TBC1D8: variants seen among roughly 807,000 people sequenced by gnomAD.
TBC1D8 encodes TBC1 domain family member 8.
Under a neutral mutation model 118.8 loss-of-function variants are expected in TBC1D8, and 65 were observed. The ratio of observed to expected loss-of-function variants is 0.55; its 90% confidence interval spans 0.45 to 0.67. TBC1D8 has a LOEUF of 0.67. TBC1D8 is among the 30% of genes least tolerant of loss of function. The pLI is 0.00. For missense variants in TBC1D8, 1,376 were observed against 1,471.2 expected (o/e 0.94, Z 1.06); for synonymous variants, 566 against 595.8 (o/e 0.95, Z 0.73).
chr2:101,102,778 C>A (rs1236740465), intron 1 of TBC1D8, among the ~76,000 whole-genome samples: 1 of 151,954 alleles, frequency 6.6e-6, no homozygotes, highest in Non-Finnish European at 1.5e-5. Context: ...CACAATGGCT[C>A]ACACCTGTAA....
intron 17 of TBC1D8, among the ~76,000 whole-genome samples, chr2:101,016,832 C>A (rs944614064): frequency 5.3e-5 from 8 of 151,904 alleles, no homozygotes; most frequent in Non-Finnish European, 1.0e-4. Flanking sequence ...GGACAAAAAA[C>A]CAAACATCAC....
At chr2:101,015,071 C>A (rs1353419291) in intron 17 of TBC1D8, among the ~76,000 whole-genome samples, 1 of 152,166 alleles carries the variant, frequency 6.6e-6, no homozygotes, top group Non-Finnish European at 1.5e-5. Flanking sequence ...CTTACACGAA[C>A]CTAGATGCTG....
chr2:101,107,989 T>A (rs1677332285), intron 1 of TBC1D8, among the ~76,000 whole-genome samples: 3 of 151,336 alleles, frequency 2.0e-5, no homozygotes, highest in Admixed American at 2.0e-4. Context: ...AGCCAAGAGT[T>A]TGAGGTTGCA....
At chr2:101,043,697 T>G (rs1257114923) in intron 5 of TBC1D8, among the ~76,000 whole-genome samples, 1 of 152,174 alleles carries the variant, frequency 6.6e-6, no homozygotes, top group Non-Finnish European at 1.5e-5. Context: ...ATCCCAGCAC[T>G]TTGGGAGGCC....
At chr2:101,056,916 A>G (rs1033558847) in intron 3 of TBC1D8, among the ~76,000 whole-genome samples, 2 of 152,194 alleles carry the variant, frequency 1.3e-5, no homozygotes, top group African/African-American at 4.8e-5. Context: ...GAAAGCCTCT[A>G]TTCCCAGATC....
intron 2 of TBC1D8, among the ~76,000 whole-genome samples, chr2:101,082,779 A>G (rs1675349891): frequency 6.6e-6 from 1 of 152,076 alleles, no homozygotes; most frequent in Non-Finnish European, 1.5e-5. Flanking sequence ...TGGGGAGAGG[A>G]GAGTGAGGAG....
chr2:101,128,910 TA>T (rs1678465362), intron 1 of TBC1D8, among the ~76,000 whole-genome samples: 1 of 151,098 alleles, frequency 6.6e-6, no homozygotes, highest in African/African-American at 2.5e-5. Flanking sequence ...GAATGATGGT[TA>T]CCATAGAGGG....
chr2:101,044,499 C>T (rs1322752913), intron 5 of TBC1D8, among the ~76,000 whole-genome samples: 1 of 152,256 alleles, frequency 6.6e-6, no homozygotes, highest in Non-Finnish European at 1.5e-5. Context: ...CAGCCCGCTT[C>T]TCAGACTTTC....
At chr2:101,046,511 A>G (rs1023670092) in intron 5 of TBC1D8, among the ~76,000 whole-genome samples, 4 of 152,194 alleles carry the variant, frequency 2.6e-5, no homozygotes, top group African/African-American at 9.6e-5. Context: ...CTTCTCTTGC[A>G]AGGTGGGGCC....
chr2:101,056,487 C>T (rs1329495996), intron 3 of TBC1D8, among the ~76,000 whole-genome samples: 2 of 152,142 alleles, frequency 1.3e-5, no homozygotes, highest in African/African-American at 4.8e-5. Context: ...TGAGCCACCG[C>T]GCCCGGCCTA....
chr2:101,043,525 A>G (rs1389362549), intron 5 of TBC1D8, among the ~76,000 whole-genome samples: 1 of 152,248 alleles, frequency 6.6e-6, no homozygotes, highest in Non-Finnish European at 1.5e-5. Flanking sequence ...CCCTTAGGAC[A>G]TGGCTGAAGC....
At chr2:101,033,833 A>G in intron 9 of TBC1D8, 75 bp from the exon 10 acceptor site, 1 of 1,495,136 alleles carries the variant, frequency 6.7e-7, no homozygotes. Flanking sequence ...TGCTGGTCCC[A>G]TCAGGGGACC....
At chr2:101,121,771 A>G (rs151056990) in intron 1 of TBC1D8, among the ~76,000 whole-genome samples, 8 of 152,356 alleles carry the variant, frequency 5.3e-5, no homozygotes, top group African/African-American at 1.7e-4. Context: ...GTTCAATTAT[A>G]TAAACGAAAT....
At position 101,151,152 on chromosome 2, in the gene TBC1D8, G is replaced by T; in HGVS notation, c.102C>A (p.His34Gln). 8.4e-7 allele frequency: 1 copy of T among 1,193,818 alleles called. No homozygotes were observed. The allele number at this position is 1,193,818 out of a possible 1,614,324, so 74.0% of individuals were successfully genotyped here. Residue 34 changes from histidine (H) to glutamine (Q), a missense_variant, in exon 1 of 20, where the codon CAC becomes CAA. Physicochemically the swap from His to Gln is conservative, Grantham distance 24. Transcript: ENST00000409318. ...CYFILQRRRGHGEGGGRLTGR... is the reference protein window; with the variant it reads ...CYFILQRRRGQGEGGGRLTGR... ...CGGTGAGGCGGCCGCCCCCCTCGCC[G>T]TGCCCGCGGCGCCGCTGCAGGATGA...
intron 5 of TBC1D8, among the ~76,000 whole-genome samples, chr2:101,043,325 CA>C (rs1251755243): frequency 6.6e-6 from 1 of 152,222 alleles, no homozygotes; most frequent in African/African-American, 2.4e-5. Flanking sequence ...CCAAGTTCCC[CA>C]AGCTGACTAT....
chr2:101,149,993 T>C (rs542240447), intron 1 of TBC1D8, among the ~76,000 whole-genome samples: 6 of 152,314 alleles, frequency 3.9e-5, no homozygotes, highest in Admixed American at 2.0e-4. Flanking sequence ...GCTCCCTCCA[T>C]GCAGCAACCT....
intron 11 of TBC1D8, 69 bp from the exon 12 acceptor site, chr2:101,029,845 A>T: frequency 6.7e-7 from 1 of 1,501,900 alleles, no homozygotes; most frequent in Non-Finnish European, 9.0e-7. Context: ...CTGAAATTAA[A>T]ATCACTCTGA....
At position 101,050,491 on chromosome 2, in the gene TBC1D8, T is replaced by G. The variant is rs1447402616; in HGVS notation, c.782A>C (p.Gln261Pro). ...NLDEVFKVME[Q>P]LADVTLRRLL... ...CCTTCGCAGCGTCACGTCGGCCAGC[T>G]GCTCCATGACCTTAAACACCTCATC... Residue 261 changes from glutamine (Q) to proline (P), a missense_variant, in exon 5 of 20, where the codon CAG becomes CCG. By Grantham distance (76) the Gln-to-Pro change is moderately conservative. Transcript: ENST00000409318. 6.2e-7 allele frequency: 1 copy of G among 1,614,002 alleles called. No homozygotes were observed. The highest frequency in any genetic ancestry group is 1.7e-5 in the Admixed American group (1 of 60,024).
intron 1 of TBC1D8, among the ~76,000 whole-genome samples, chr2:101,117,270 A>T (rs909640620): frequency 1.3e-5 from 2 of 152,110 alleles, no homozygotes; most frequent in African/African-American, 4.8e-5. Flanking sequence ...AGCCCTTAGA[A>T]ACTGAGACAA....
Sources: allele counts gnomAD v4.1 joint callset (sites outside exome capture counted in the v4.1 genomes callset), GRCh38; gene constraint gnomAD v4.1.1; transcripts MANE v1.5; gene names NCBI Gene and HGNC (gene_info 2026-07-23, HGNC 2026-07-21).